Variants in TENM2 observed in about 807,000 individuals in gnomAD.
TENM2 encodes teneurin-2.
A neutral mutation model predicts 245.2 loss-of-function variants in TENM2; 52 were observed. The observed-to-expected ratio is 0.21, with a 90% CI of 0.17 to 0.27. The LOEUF (loss-of-function observed/expected upper bound fraction) is 0.27. Ranked by LOEUF, TENM2 falls within the 10% of genes least tolerant of loss-of-function variation. The pLI is 1.00. For synonymous variants in TENM2, 1,363 were observed against 1,438.9 expected, an observed-to-expected ratio of 0.95 and a Z score of 1.19; for missense variants, 3,046 against 3,666.8, an observed-to-expected ratio of 0.83 and a Z score of 4.37.
At chr5:167,175,834 C>A in the TENM2 span, among the ~76,000 whole-genome samples, 5 of 152,304 alleles carry the variant, frequency 3.3e-5, no homozygotes, top group Admixed American at 3.3e-4. Flanking sequence ...CTCAGCCCCC[C>A]GAGTAGCTGG....
At chr5:168,216,553 G>A (rs79860816) in intron 21 of TENM2, among the ~76,000 whole-genome samples, 4,109 of 152,198 alleles carry the variant, frequency 0.027, 130 homozygotes, top group African/African-American at 0.076. Context: ...TGGTGATATA[G>A]CCAGCACCCT....
At chr5:167,671,536 T>C (rs1370104786) in intron 2 of TENM2, among the ~76,000 whole-genome samples, 1 of 152,056 alleles carries the variant, frequency 6.6e-6, no homozygotes. Flanking sequence ...CCCAAGTGAT[T>C]TGACATCGAG....
chr5:167,544,834 A>G (rs1383514519), intron 2 of TENM2, among the ~76,000 whole-genome samples: 4 of 152,236 alleles, frequency 2.6e-5, no homozygotes, highest in African/African-American at 9.6e-5. Flanking sequence ...ACTTTCAGGC[A>G]ATAAAATGTA....
chr5:167,011,578 A>G, the TENM2 span, among the ~76,000 whole-genome samples: 1 of 152,222 alleles, frequency 6.6e-6, no homozygotes, highest in Non-Finnish European at 1.5e-5. Flanking sequence ...TGAGACCTTA[A>G]GCTCAGATAG....
intron 1 of TENM2, among the ~76,000 whole-genome samples, chr5:167,359,542 C>G (rs1057243426): frequency 3.0e-4 from 46 of 152,104 alleles, no homozygotes; most frequent in African/African-American, 1.1e-3. Context: ...GTACCTACCA[C>G]CTTTTAAGAT....
chr5:168,181,262 A>G (rs1581556567), intron 13 of TENM2, among the ~76,000 whole-genome samples: 1 of 152,242 alleles, frequency 6.6e-6, no homozygotes, highest in African/African-American at 2.4e-5. Flanking sequence ...TTGCTGGTGA[A>G]GAACCATTTT....
rs113989373 is a variant in TENM2 at position 168,055,859 on chromosome 5, A to G, written c.1310-6201A>G. On this transcript the variant is annotated intron_variant, in intron 6 of 28. Coordinates refer to ENST00000518659, the Ensembl canonical transcript of TENM2. ...GCCCAAAGGCACACAGCTGGTAGCT[A>G]TCAGAGCTGGGATTCAAACCCAGGC... Among the ~76,000 whole-genome samples, 4 of 152,342 alleles carry G rather than the reference A, an allele frequency of 2.6e-5. 1 individual carries two copies. Among genetic ancestry groups the G allele is most frequent in the African/African-American group, 9.6e-5 (4 of 41,590 alleles).
chr5:167,218,777 T>C, the TENM2 span, among the ~76,000 whole-genome samples: 6 of 152,198 alleles, frequency 3.9e-5, no homozygotes, highest in Admixed American at 1.3e-4. Context: ...GTAATTAAGA[T>C]ACACATAGGA....
exon 27 of TENM2, chr5:168,248,183 T>C: frequency 1.2e-6 from 2 of 1,614,012 alleles, no homozygotes; most frequent in South Asian, 1.1e-5. Flanking sequence ...CATGGGGGAC[T>C]CTATGACCCC....
At chr5:168,232,360 C>G (rs748529693) in intron 25 of TENM2, 1 of 152,198 alleles carries the variant, frequency 6.6e-6, no homozygotes, top group African/African-American at 2.4e-5. Flanking sequence ...TGGCCGTCCA[C>G]GCTTTGTGGG....
intron 12 of TENM2, among the ~76,000 whole-genome samples, chr5:168,161,088 A>T (rs1009587525): frequency 1.3e-5 from 2 of 152,172 alleles, no homozygotes; most frequent in African/African-American, 4.8e-5. Context: ...CATAAGGGGT[A>T]CTCAAGAGAA....
intron 2 of TENM2, among the ~76,000 whole-genome samples, chr5:167,761,426 A>G (rs1453597689): frequency 2.0e-5 from 3 of 151,960 alleles, no homozygotes; most frequent in African/African-American, 4.8e-5. Context: ...CAAAGAGGCC[A>G]CTCCAAGAAA....
At chr5:167,265,446 T>A in the TENM2 span, among the ~76,000 whole-genome samples, 1 of 151,222 alleles carries the variant, frequency 6.6e-6, no homozygotes, top group African/African-American at 2.4e-5. Context: ...CATCATCAAA[T>A]AATTTTACTT....
chr5:167,449,813 C>T lies in TENM2; in HGVS notation c.502+74340C>T, dbSNP rs553190318. 3.3e-5 allele frequency among the ~76,000 whole-genome samples: 5 copies of T among 152,172 alleles called. No individual in the cohort carries two copies. The South Asian group carries it at 8.3e-4, about 25-fold the overall frequency. On this transcript the variant is annotated intron_variant, in intron 2 of 28. Transcript: ENST00000518659. ...TCTCTACTAAAAATACAAAAATGAG[C>T]CATGCATAGTGGCGCGTACCTTTAA...
At chr5:167,200,729 A>G in the TENM2 span, among the ~76,000 whole-genome samples, 1 of 152,126 alleles carries the variant, frequency 6.6e-6, no homozygotes, top group Non-Finnish European at 1.5e-5. Context: ...GGCAGCGGCT[A>G]CTTCAGTAGC....
intron 2 of TENM2, among the ~76,000 whole-genome samples, chr5:167,454,271 T>C (rs1211053470): frequency 2.0e-5 from 3 of 152,172 alleles, no homozygotes; most frequent in Non-Finnish European, 4.4e-5. Context: ...CATTCTCAAA[T>C]CTGTATTGCT....
intron 2 of TENM2, among the ~76,000 whole-genome samples, chr5:167,490,395 T>TACTA (rs10701560): frequency 0.22 from 33,957 of 151,922 alleles, 3,820 homozygotes; most frequent in East Asian, 0.36. Context: ...AATATGTTAC[T>TACTA]ACTAACTCCA....
chr5:167,995,119 C>T (rs1783957394), intron 5 of TENM2, among the ~76,000 whole-genome samples: 2 of 152,170 alleles, frequency 1.3e-5, no homozygotes, highest in Admixed American at 1.3e-4. Flanking sequence ...AATTGAGGTA[C>T]TGCCTGCCTC....
At chr5:167,492,641 A>G (rs1405740253) in intron 2 of TENM2, among the ~76,000 whole-genome samples, 1 of 152,096 alleles carries the variant, frequency 6.6e-6, no homozygotes, top group Admixed American at 6.6e-5. Context: ...AATGCTTTAC[A>G]TATTTCCATT....
Sources: gnomAD v4.1 joint callset for allele counts (sites outside exome capture counted in the v4.1 genomes callset) on GRCh38, gnomAD v4.1.1 for gene constraint, MANE v1.5 for transcripts, NCBI Gene and HGNC (gene_info 2026-07-23, HGNC 2026-07-21) for gene names.